Variants in SCARF2 observed in about 807,000 individuals in gnomAD.
The protein encoded by SCARF2 is scavenger receptor class F member 2, also known as scavenger receptor expressed by endothelial cells 2 protein.
In SCARF2, 39 loss-of-function variants were observed where a neutral mutation model predicts 73.4. The observed-to-expected ratio is 0.53, with a 90% CI of 0.41 to 0.69. The LOEUF (loss-of-function observed/expected upper bound fraction) is 0.69. SCARF2 is among the 30% of genes least tolerant of loss of function. The pLI is 0.00. For synonymous variants in SCARF2, 605 were observed against 590.0 expected (o/e 1.03, Z -0.37); for missense variants, 1,148 against 1,303.5 (o/e 0.88, Z 1.84).
At position 20,430,468 on chromosome 22, in the gene SCARF2, G is replaced by C; in HGVS notation, c.1163C>G (p.Ser388Trp). ...GCCAGGGCTGCACAGGCAGCGCCCCGACTGGAAGTCGCAGTGTCCGCTGCC... is the reference window on the plus strand; with the variant it reads ...GCCAGGGCTGCACAGGCAGCGCCCCCACTGGAAGTCGCAGTGTCCGCTGCC... ...DCGSGHCDFQ[S>W]GRCLCSPGVH... The change falls in exon 6 of 11, where the codon TCG (serine) becomes TGG (tryptophan). Residue 388 changes from serine to tryptophan, a missense_variant. Ser to Trp is a radical substitution (Grantham distance 177). Transcript: ENST00000622235. The C allele has an allele frequency of 6.3e-7, 1 of 1,594,770 alleles. No individual in the cohort carries two copies. The highest frequency in any genetic ancestry group is 1.3e-5 in the African/African-American group (1 of 74,632).
intron 9 of SCARF2, among the ~76,000 whole-genome samples, chr22:20,428,083 C>A (rs1376099682): frequency 6.6e-6 from 1 of 152,192 alleles, no homozygotes. Context: ...GGCCTCCATT[C>A]CACAGAGGGA....
rs966589337 is a variant in SCARF2 at position 20,425,240 on chromosome 22, A to G, written c.*135T>C. 35 of 695,826 alleles carry G rather than the reference A, an allele frequency of 5.0e-5. No individual in the cohort carries two copies. In the African/African-American group the frequency reaches 6.6e-4, roughly 13 times the overall value. The allele number at this position is 695,826 out of a possible 1,614,324, so 43.1% of individuals were successfully genotyped here. A position where few individuals can be genotyped will look rare whatever the true frequency, so the allele number is the denominator to read the frequency against. ...CAGGAGCGGCTGCAGGACCTGAGCC[A>G]ATGAGACGCAACCTCCGCTAGCCGC... is the stretch of plus-strand genomic sequence containing the variant. On this transcript the variant is annotated 3_prime_UTR_variant, in exon 11 of 11. Transcript: ENST00000622235. This position sits in a 1 kb window ranked among gnomAD's most constrained non-coding sequence, Gnocchi z 4.6.
chr22:20,425,925 G>A lies in SCARF2; in HGVS notation c.2051C>T (p.Pro684Leu), dbSNP rs1353009734. 2.5e-6 allele frequency: 4 copies of A among 1,596,912 alleles called. No homozygotes were observed. Among genetic ancestry groups the A allele is most frequent in the East Asian group, 2.3e-5 (1 of 43,672 alleles). Residue 684 changes from proline (P) to leucine (L), a missense_variant, in exon 11 of 11, where the codon CCG (proline) becomes CTG (leucine). Physicochemically the swap from Pro to Leu is moderately conservative, Grantham distance 98 (BLOSUM62 -3). Transcript: ENST00000622235. The surrounding 1 kb of genome is among the most constrained non-coding windows in gnomAD (Gnocchi z 4.6). ...GGGCGCGGCCTCGGAGCCTGGCGGC[G>A]GTGGTGAGGGCGCACGGCCAGCTGC... is the stretch of plus-strand genomic sequence containing the variant. The part of the protein sequence containing the change: ...AAAAGRAPSP[P>L]PPGSEAAPSP...
At position 20,429,190 on chromosome 22, in the gene SCARF2, T is replaced by G. The variant is rs778878558; in HGVS notation, c.1540+35A>C. 2 of 1,613,382 alleles carry G rather than the reference T, an allele frequency of 1.2e-6. No homozygotes were observed. The highest frequency in any genetic ancestry group is 1.7e-6 in the Non-Finnish European group (2 of 1,179,700). On this transcript the variant is annotated intron_variant, in intron 9 of 10. Coordinates refer to ENST00000622235, the MANE Select transcript of SCARF2 (RefSeq NM_182895.5). This position sits in a 1 kb window ranked among gnomAD's most constrained non-coding sequence, Gnocchi z 5.2. ...CCCAGCAGCTTCCTGCGTCGAGAGG[T>G]GTTTCTCCCAGATACCCCGCGCTGT... is the stretch of plus-strand genomic sequence containing the variant.
intron 10 of SCARF2, among the ~76,000 whole-genome samples, 186 bp from the exon 11 acceptor site, chr22:20,426,468 G>A (rs1044726983): frequency 6.6e-6 from 1 of 152,256 alleles, no homozygotes; most frequent in East Asian, 1.9e-4. Flanking sequence ...AGGCTATGCG[G>A]CTGACTCTGA....
rs745466121 is a variant in SCARF2 at position 20,429,348 on chromosome 22, G to A, written c.1425-8C>T. 5.6e-6 allele frequency: 9 copies of A among 1,607,684 alleles called. No homozygotes were observed. The South Asian group carries it at 6.6e-5, about 12-fold the overall frequency. On this transcript the variant is annotated splice_polypyrimidine_tract_variant and splice_region_variant and intron_variant, in intron 8 of 10. Coordinates refer to ENST00000622235, the MANE Select transcript of SCARF2 (RefSeq NM_182895.5). This position sits in a 1 kb window ranked among gnomAD's most constrained non-coding sequence, Gnocchi z 5.2. ...CTCCCAAGCGAAAGCTCCCTGCGGG[G>A]GCGGGGTCTGAGCGGAGGGGCGGGG... is the stretch of plus-strand genomic sequence containing the variant.
chr22:20,428,192 C>T lies in SCARF2; in HGVS notation c.1541-642G>A, dbSNP rs535919294. Among the ~76,000 whole-genome samples, 69 of 152,102 alleles carry T rather than the reference C, an allele frequency of 4.5e-4. 1 individual carries two copies. The South Asian group carries it at 0.011, about 25-fold the overall frequency. On this transcript the variant is annotated intron_variant, in intron 9 of 10. Coordinates refer to ENST00000622235, the MANE Select transcript of SCARF2 (RefSeq NM_182895.5). ...TGCTTGCTTGCTTTTTCTTTTCTTT[C>T]GACAGTTTTGGGGTTTCTCCTCCCT...
At position 20,437,519 on chromosome 22, in the gene SCARF2, C is replaced by A. The variant is rs966681118; in HGVS notation, c.173+63G>T. 1.8e-5 allele frequency: 27 copies of A among 1,498,884 alleles called. No individual in the cohort carries two copies. In the African/African-American group the frequency reaches 2.9e-4, roughly 16 times the overall value. 92.8% of individuals were successfully genotyped at this position (1,498,884 alleles called of 1,614,324 possible). A position where few individuals can be genotyped will look rare whatever the true frequency, so the allele number is the denominator to read the frequency against. Reference sequence around the variant, plus strand: ...CCGGTAGCCCCCTCCCAATGCCCGGCGCCGCCACACCACTGCCCAGAGCGT... The same window carrying A: ...CCGGTAGCCCCCTCCCAATGCCCGGAGCCGCCACACCACTGCCCAGAGCGT... On this transcript the variant is annotated intron_variant, in intron 1 of 10. Coordinates refer to ENST00000622235, the MANE Select transcript of SCARF2 (RefSeq NM_182895.5).
rs1193955186 is a variant in SCARF2 at position 20,429,609 on chromosome 22, C to G, written c.1351G>C (p.Val451Leu). Residue 451 changes from valine to leucine, a missense_variant, in exon 8 of 11, where the codon GTC becomes CTC. This residue lies in a region of SCARF2 where 437 missense variants were observed against 433.6 expected (regional missense o/e 1.01). Coordinates refer to ENST00000622235, the MANE Select transcript of SCARF2 (RefSeq NM_182895.5). This position sits in a 1 kb window ranked among gnomAD's most constrained non-coding sequence, Gnocchi z 5.2. ...KGVMGAGALL[V>L]LLVCLLLSLL... is the part of the protein sequence containing the mutation. ...GAGAGCAGCAGGCAGACGAGCAGGA[C>G]GAGCAGCGCGCCCGCGCCCATCACG... 2 of 1,613,642 alleles carry G rather than the reference C, an allele frequency of 1.2e-6. No individual in the cohort carries two copies. The highest frequency in any genetic ancestry group is 2.2e-5 in the East Asian group (1 of 44,858).
Position 20,431,830 on chromosome 22 carries a change from G to C in SCARF2, c.249C>G (p.Asn83Lys). The change falls in exon 3 of 11, where the codon AAC (asparagine) becomes AAG (lysine). Residue 83 changes from asparagine to lysine, a missense_variant. Physicochemically the swap from Asn to Lys is moderately conservative, Grantham distance 94 (BLOSUM62 0). Transcript: ENST00000622235. Reference sequence around the variant, plus strand: ...ACACCTCGTTCTCTGAGCACGTGGAGTTGCCTTCGCACACCGCTGTGGACG... The same window carrying C: ...ACACCTCGTTCTCTGAGCACGTGGACTTGCCTTCGCACACCGCTGTGGACG... ...DECGIAVCEG[N>K]STCSENEVCV... The C allele has an allele frequency of 6.3e-7, 1 of 1,599,130 alleles. No individual in the cohort carries two copies. Among genetic ancestry groups the C allele is most frequent in the Non-Finnish European group, 8.5e-7 (1 of 1,174,038 alleles).
At position 20,431,002 on chromosome 22, in the gene SCARF2, G is replaced by T. The variant is rs557625121; in HGVS notation, c.854+16C>A. ...CCTTCCACCTCCTCCCTCCCTGGCCGAGAGACCGCGCTTACCGGCGGCGAC... is the reference window on the plus strand; with the variant it reads ...CCTTCCACCTCCTCCCTCCCTGGCCTAGAGACCGCGCTTACCGGCGGCGAC... On this transcript the variant is annotated intron_variant, in intron 4 of 10. Coordinates refer to ENST00000622235, the MANE Select transcript of SCARF2 (RefSeq NM_182895.5). The T allele has an allele frequency of 4.6e-4, 724 of 1,564,318 alleles. 9 individuals are homozygous for T. The African/African-American group carries it at 8.8e-3, about 19-fold the overall frequency.
At chr22:20,426,804 G>A (rs2146121946) in intron 10 of SCARF2, among the ~76,000 whole-genome samples, 1 of 152,270 alleles carries the variant, frequency 6.6e-6, no homozygotes, top group East Asian at 1.9e-4. Context: ...GTGGGCGCCT[G>A]TAATCCCAGC....
chr22:20,432,598 C>A (rs887076960), intron 1 of SCARF2, among the ~76,000 whole-genome samples: 1 of 152,102 alleles, frequency 6.6e-6, no homozygotes, highest in Admixed American at 6.5e-5. Context: ...TGAGGCCCAC[C>A]CAGCCACTAG....
In SCARF2 at chr22:20,431,479, G is replaced by T; in HGVS notation, c.393C>A (p.His131Gln). The change falls in exon 4 of 11, where the codon CAC becomes CAA. Residue 131 changes from histidine (H) to glutamine (Q), a missense_variant. Coordinates refer to ENST00000622235, the MANE Select transcript of SCARF2 (RefSeq NM_182895.5). Reference sequence around the variant, plus strand: ...GGCCTGTCACGTCCTCGCACTGCCCGTGTGGGTGGCAGCTACACAGCTCCT... The same window carrying T: ...GGCCTGTCACGTCCTCGCACTGCCCTTGTGGGTGGCAGCTACACAGCTCCT... ...DCKELCSCHPHGQCEDVTGQC... is the reference protein window; with the variant it reads ...DCKELCSCHPQGQCEDVTGQC... 4 of 1,572,166 alleles carry T rather than the reference G, an allele frequency of 2.5e-6. No individual in the cohort carries two copies. The highest frequency in any genetic ancestry group is 3.4e-6 in the Non-Finnish European group (4 of 1,167,702).
chr22:20,426,914 C>T (rs997282626), intron 10 of SCARF2, among the ~76,000 whole-genome samples: 3 of 147,432 alleles, frequency 2.0e-5, no homozygotes, highest in African/African-American at 7.6e-5. Context: ...GTGACAGAGG[C>T]AGACTCCGTC....
intron 1 of SCARF2, among the ~76,000 whole-genome samples, chr22:20,435,984 C>G (rs1055916850): frequency 2.4e-4 from 36 of 152,264 alleles, no homozygotes; most frequent in African/African-American, 8.4e-4. Flanking sequence ...AGACATGACC[C>G]AGACCCCAGG....
At chr22:20,431,883 A>AGGCGCGGGCCCG in intron 2 of SCARF2, 37 bp from the exon 3 acceptor site, 1 of 1,530,534 alleles carries the variant, frequency 6.5e-7, no homozygotes, top group South Asian at 1.1e-5. Context: ...TGCGCGTCCT[A>AGGCGCGGGCCCG]GCCCCGCCCC....
At position 20,429,693 on chromosome 22, in the gene SCARF2, C is replaced by A; in HGVS notation, c.1306+37G>T. The A allele has an allele frequency of 6.2e-7, 1 of 1,613,990 alleles. No individual in the cohort carries two copies. Among genetic ancestry groups the A allele is most frequent in the Non-Finnish European group, 8.5e-7 (1 of 1,179,926 alleles). ...GGGGTCAGCGCGGTTTCTGGCACCC[C>A]CTGCATTCCTTAACGGGACGCCCCT... On this transcript the variant is annotated intron_variant, in intron 7 of 10. Coordinates refer to ENST00000622235, the MANE Select transcript of SCARF2 (RefSeq NM_182895.5). The surrounding 1 kb of genome is among the most constrained non-coding windows in gnomAD (Gnocchi z 5.2).
At chr22:20,432,137 T>C in intron 1 of SCARF2, 149 bp from the exon 2 acceptor site, 2 of 835,412 alleles carry the variant, frequency 2.4e-6, no homozygotes, top group East Asian at 5.3e-5. Context: ...TGCCAGGCAG[T>C]CGTCTGGCGG....
Sources: allele counts gnomAD v4.1 joint callset (sites outside exome capture counted in the v4.1 genomes callset), GRCh38; gene constraint gnomAD v4.1.1; regional missense constraint gnomAD v4.1.1; non-coding constraint Gnocchi (gnomAD v3.1); transcripts MANE v1.5; gene names NCBI Gene and HGNC (gene_info 2026-07-23, HGNC 2026-07-21).